ERC2: variants seen among roughly 807,000 people sequenced by gnomAD.
ERC2 encodes ELKS/RAB6-interacting/CAST family member 2.
Under a neutral mutation model 114.8 loss-of-function variants are expected in ERC2, and 42 were observed. The observed-to-expected ratio is 0.37, with a 90% confidence interval of 0.29 to 0.47. ERC2 has a LOEUF of 0.47. Among genes scored for constraint, ERC2 ranks in the 20% least tolerant of loss-of-function variants. The probability of loss-of-function intolerance (pLI) is 0.99; values close to 1 mark genes in which losing one functional copy is unlikely to be tolerated. For missense variants in ERC2, 939 were observed against 1,150.7 expected, an observed-to-expected ratio of 0.82 and a Z score of 2.66; for synonymous variants, 454 against 425.5, an observed-to-expected ratio of 1.07 and a Z score of -0.82.
chr3:55,940,881 G>T (rs547256200), intron 13 of ERC2, among the ~76,000 whole-genome samples: 191 of 152,254 alleles, frequency 1.3e-3, no homozygotes, highest in African/African-American at 4.3e-3. Context: ...TTTTGGAGGG[G>T]CCTGACCAGC....
At chr3:55,555,879 A>T (rs867290960) in intron 17 of ERC2, among the ~76,000 whole-genome samples, 1 of 152,322 alleles carries the variant, frequency 6.6e-6, no homozygotes, top group Non-Finnish European at 1.5e-5. Flanking sequence ...GTCACCGAGG[A>T]AAGATTTCAG....
chr3:56,256,840 G>A (rs185483687), intron 3 of ERC2, among the ~76,000 whole-genome samples: 2 of 152,076 alleles, frequency 1.3e-5, no homozygotes, highest in Non-Finnish European at 2.9e-5. Flanking sequence ...TGTGAATAAG[G>A]TGCCTGCTTC....
rs144011567 is a variant in ERC2, at chr3:56,462,550, C to T, written c.-141+5698G>A. Among the ~76,000 whole-genome samples, 569 of 152,252 alleles carry T rather than the reference C, an allele frequency of 3.7e-3. 4 individuals carry two copies. Among genetic ancestry groups the T allele is most frequent in the Non-Finnish European group, 5.6e-3 (378 of 68,016 alleles). On this transcript the variant is annotated intron_variant, in intron 1 of 17. Transcript: ENST00000288221. Reference sequence around the variant, plus strand: ...ATCCAGATGCCTCCTAAATCTTAATCCAGCCTAATTTTCCAACATTATCTC... The same window carrying T: ...ATCCAGATGCCTCCTAAATCTTAATTCAGCCTAATTTTCCAACATTATCTC...
At position 55,763,324 on chromosome 3, in the gene ERC2, T is replaced by C. The variant is rs535223309; in HGVS notation, c.2565-28406A>G. Among the ~76,000 whole-genome samples the C allele has an allele frequency of 1.2e-4, 18 of 152,356 alleles. 1 individual carries two copies. The highest frequency in any genetic ancestry group is 3.4e-4 in the African/African-American group (14 of 41,594). ...GAGAGGTGGAATGTGGCTTAACTTA[T>C]GGAACAGATGTCTAGTATTGCTAGA... On this transcript the variant is annotated intron_variant, in intron 14 of 17. Transcript: ENST00000288221.
At chr3:55,892,735 T>C (rs937782279) in intron 13 of ERC2, among the ~76,000 whole-genome samples, 1 of 152,212 alleles carries the variant, frequency 6.6e-6, no homozygotes, top group East Asian at 1.9e-4. Flanking sequence ...CATATAAATA[T>C]ATACATAATT....
chr3:55,722,786 T>A (rs2064659061), intron 15 of ERC2, among the ~76,000 whole-genome samples: 1 of 152,220 alleles, frequency 6.6e-6, no homozygotes, highest in Non-Finnish European at 1.5e-5. Flanking sequence ...TTGCACTTCC[T>A]GTAGTAGGAT....
At chr3:55,724,229 G>A (rs1465420079) in intron 15 of ERC2, among the ~76,000 whole-genome samples, 1 of 152,176 alleles carries the variant, frequency 6.6e-6, no homozygotes, top group African/African-American at 2.4e-5. Flanking sequence ...GGTGATGCAG[G>A]AAGAGATAAG....
At chr3:55,974,782 C>G (rs372862696) in intron 12 of ERC2, among the ~76,000 whole-genome samples, 5 of 152,130 alleles carry the variant, frequency 3.3e-5, no homozygotes, top group African/African-American at 7.2e-5. Context: ...TTTCACATTC[C>G]GGCTCAAGAG....
intron 11 of ERC2, 57 bp downstream of exon 11, chr3:55,991,999 GC>G: frequency 6.7e-7 from 1 of 1,501,478 alleles, no homozygotes. Flanking sequence ...CCGGAGATGG[GC>G]AACCACGCAG....
intron 17 of ERC2, among the ~76,000 whole-genome samples, chr3:55,652,335 T>C (rs1233036423): frequency 6.6e-6 from 1 of 152,210 alleles, no homozygotes; most frequent in Non-Finnish European, 1.5e-5. Context: ...GACATTAGTC[T>C]ACATTCATTT....
chr3:55,659,616 GCTCAGC>G (rs2061034487), intron 17 of ERC2, among the ~76,000 whole-genome samples: 1 of 152,038 alleles, frequency 6.6e-6, no homozygotes, highest in South Asian at 2.1e-4. Flanking sequence ...CCATGCCACT[GCTCAGC>G]CTTTTCTTTC....
At chr3:56,239,983 AAG>A (rs2051219077) in intron 3 of ERC2, among the ~76,000 whole-genome samples, 1 of 152,240 alleles carries the variant, frequency 6.6e-6, no homozygotes, top group African/African-American at 2.4e-5. Flanking sequence ...ACAGACAGGA[AAG>A]AGGGGGAACA....
chr3:56,294,258 G>A (rs2055284505), intron 3 of ERC2, among the ~76,000 whole-genome samples: 1 of 152,152 alleles, frequency 6.6e-6, no homozygotes, highest in African/African-American at 2.4e-5. Flanking sequence ...CCTTAAAATT[G>A]AGCAGCTTAA....
At chr3:55,811,060 G>T (rs956695356) in intron 14 of ERC2, among the ~76,000 whole-genome samples, 1 of 152,102 alleles carries the variant, frequency 6.6e-6, no homozygotes, top group Non-Finnish European at 1.5e-5. Flanking sequence ...ATACGGAAAG[G>T]TTCTATATCT....
intron 3 of ERC2, among the ~76,000 whole-genome samples, chr3:56,222,590 C>A (rs1207572275): frequency 6.6e-6 from 1 of 152,094 alleles, no homozygotes; most frequent in Non-Finnish European, 1.5e-5. Context: ...CTTTCTGAAC[C>A]ATCTACTCAT....
intron 15 of ERC2, among the ~76,000 whole-genome samples, chr3:55,733,526 ATTCT>A (rs1183833533): frequency 0.059 from 1,818 of 30,766 alleles, 41 homozygotes; most frequent in Middle Eastern, 0.14. Context: ...TCTGTCTCTC[ATTCT>A]TTCTCTCTCT....
intron 17 of ERC2, among the ~76,000 whole-genome samples, chr3:55,671,155 C>T (rs1368567020): frequency 6.6e-6 from 1 of 152,190 alleles, no homozygotes; most frequent in Non-Finnish European, 1.5e-5. Flanking sequence ...CATTACAGAT[C>T]ATCATTAACA....
At chr3:55,801,146 T>C (rs1008535760) in intron 14 of ERC2, among the ~76,000 whole-genome samples, 2 of 152,232 alleles carry the variant, frequency 1.3e-5, no homozygotes, top group African/African-American at 2.4e-5. Context: ...TCTGTTTCTA[T>C]TGGGACCTGA....
At chr3:55,920,090 G>T (rs1351983298) in intron 13 of ERC2, among the ~76,000 whole-genome samples, 1 of 152,010 alleles carries the variant, frequency 6.6e-6, no homozygotes, top group Non-Finnish European at 1.5e-5. Context: ...ATAAAAATTA[G>T]TATGGCCGGA....
Sources: gnomAD v4.1 joint callset for allele counts (sites outside exome capture counted in the v4.1 genomes callset) on GRCh38, gnomAD v4.1.1 for gene constraint, MANE v1.5 for transcripts, NCBI Gene and HGNC (gene_info 2026-07-23, HGNC 2026-07-21) for gene names.